Variants in TRAIP observed in about 807,000 individuals in gnomAD.
TRAIP encodes the protein TRAF interacting protein.
A neutral mutation model predicts 65.0 loss-of-function variants in TRAIP; 37 were observed. That is an observed-to-expected ratio of 0.57 (90% CI 0.44 to 0.75). TRAIP has a LOEUF of 0.75. TRAIP is among the 30% of genes least tolerant of loss of function. TRAIP has a pLI of 0.00. For synonymous variants in TRAIP, 187 were observed against 219.1 expected, an observed-to-expected ratio of 0.85 and a Z score of 1.29; for missense variants, 481 against 579.4, an observed-to-expected ratio of 0.83 and a Z score of 1.74.
At chr3:49,831,800 GCCTAGGCAAC>G in intron 11 of TRAIP, 106 bp downstream of exon 11, 1 of 1,256,194 alleles carries the variant, frequency 8.0e-7, no homozygotes. Context: ...CCATGGCCAA[GCCTAGGCAAC>G]CCTCACTGCC....
In TRAIP at chr3:49,832,510, T is replaced by TTTAAA. The variant is rs1348931438; in HGVS notation, c.885-447_885-443dup. On this transcript the variant is annotated intron_variant, in intron 10 of 14. Coordinates refer to ENST00000331456, the MANE Select transcript of TRAIP (RefSeq NM_005879.3). Reference sequence around the variant, plus strand: ...GTCTCAGGAAAAAAAAAAAAAAAAGTTTAAATTTAATTTAATTTAAAAAGC... The same window carrying TTTAAA: ...GTCTCAGGAAAAAAAAAAAAAAAAGTTTAAATTAAATTTAATTTAATTTAAAAAGC... Among the ~76,000 whole-genome samples, 3 of 129,170 alleles carry TTTAAA rather than the reference T, an allele frequency of 2.3e-5. 1 individual carries two copies. Among genetic ancestry groups the TTTAAA allele is most frequent in the African/African-American group, 9.1e-5 (3 of 33,034 alleles). 84.7% of individuals were successfully genotyped at this position (129,170 alleles called of 152,430 possible).
chr3:49,829,307 G>A, intron 14 of TRAIP, 82 bp from the exon 15 acceptor site: 1 of 1,612,736 alleles, frequency 6.2e-7, no homozygotes, highest in Non-Finnish European at 8.5e-7. Flanking sequence ...GGCAAGAAAG[G>A]CTCAGAGCCG....
At chr3:49,833,825 C>G (rs1307431087) in intron 10 of TRAIP, among the ~76,000 whole-genome samples, 2 of 152,184 alleles carry the variant, frequency 1.3e-5, no homozygotes, top group Non-Finnish European at 2.9e-5. Context: ...GAGCTTGAAG[C>G]CTATTTCCCT....
rs150770100 is a variant in TRAIP, at chr3:49,839,049, C to T, written c.884+723G>A. On this transcript the variant is annotated intron_variant, in intron 10 of 14. Transcript: ENST00000331456. ...ACTAAAATACAAAAAATTAGCCAGG[C>T]GTGGTGGTGCGCGCCTGTAATCCCA... is the stretch of plus-strand genomic sequence containing the variant. 7.9e-3 allele frequency among the ~76,000 whole-genome samples: 1,198 copies of T among 151,506 alleles called. 17 individuals carry two copies. Among genetic ancestry groups the T allele is most frequent in the African/African-American group, 0.026 (1,092 of 41,254 alleles).
At position 49,828,681 on chromosome 3, in the gene TRAIP, C is replaced by G. The variant is rs2081704375; in HGVS notation, c.*422G>C. On this transcript the variant is annotated 3_prime_UTR_variant, in exon 15 of 15. Coordinates refer to ENST00000331456, the MANE Select transcript of TRAIP (RefSeq NM_005879.3). Reference sequence around the variant, plus strand: ...TCCCATGCTATCCTCCATTCCCCACCCTGCTTGGCCCAGGCTATGCCTAGA... The same window carrying G: ...TCCCATGCTATCCTCCATTCCCCACGCTGCTTGGCCCAGGCTATGCCTAGA... The G allele has an allele frequency of 5.2e-6, 1 of 190,968 alleles. No individual in the cohort carries two copies. 11.8% of individuals were successfully genotyped at this position (190,968 alleles called of 1,614,324 possible).
chr3:49,840,477 T>A, intron 8 of TRAIP, 104 bp from the exon 9 acceptor site: 2 of 908,620 alleles, frequency 2.2e-6, no homozygotes, highest in Non-Finnish European at 3.5e-6. Flanking sequence ...CAGAAGAGAC[T>A]AGAGATATGG....
At chr3:49,841,204 C>T (rs1387128902) in intron 7 of TRAIP, 132 bp from the exon 8 acceptor site, 2 of 738,210 alleles carry the variant, frequency 2.7e-6, no homozygotes, top group East Asian at 5.2e-5. Flanking sequence ...CACCTGAGCC[C>T]AACAAGTACC....
chr3:49,829,110 C>A lies in TRAIP; in HGVS notation c.1403G>T (p.Trp468Leu). 1.2e-6 allele frequency: 2 copies of A among 1,614,202 alleles called. No homozygotes were observed. The highest frequency in any genetic ancestry group is 3.3e-5 in the Admixed American group (2 of 60,026). The change falls in exon 15 of 15, where the codon TGG (tryptophan) becomes TTG (leucine). Residue 468 changes from tryptophan to leucine, a missense_variant. Transcript: ENST00000331456. ...LFQAKLDTFLWS is the reference protein window; with the variant it reads ...LFQAKLDTFLLS The stretch of plus-strand genomic sequence containing the variant: ...TGGTCAGACTCACTGTTCTCACGAC[C>A]ACAGGAAGGTGTCCAGCTTGGCCTG...
intron 3 of TRAIP, among the ~76,000 whole-genome samples, chr3:49,847,180 AAAATAAATAAATAAATAAAT>A (rs56321532): frequency 2.1e-5 from 3 of 144,402 alleles, no homozygotes; most frequent in African/African-American, 7.8e-5. Flanking sequence ...ACTTCATCTC[AAAATAAATAAATAAATAAAT>A]AAATAAATAA....
intron 10 of TRAIP, among the ~76,000 whole-genome samples, chr3:49,834,215 G>A (rs776280434): frequency 2.0e-4 from 31 of 152,210 alleles, no homozygotes; most frequent in Admixed American, 4.6e-4. Flanking sequence ...GGGCCCATGA[G>A]AGAGATCTTC....
At chr3:49,834,262 T>A (rs2081761826) in intron 10 of TRAIP, among the ~76,000 whole-genome samples, 1 of 152,172 alleles carries the variant, frequency 6.6e-6, no homozygotes, top group East Asian at 1.9e-4. Context: ...GGTGGCTACA[T>A]GCTGATGCCT....
At position 49,841,021 on chromosome 3, in the gene TRAIP, G is replaced by A. The variant is rs184596302; in HGVS notation, c.669C>T (p.Asp223=). 6.2e-7 allele frequency: 1 copy of A among 1,614,134 alleles called. No homozygotes were observed. Among genetic ancestry groups the A allele is most frequent in the Non-Finnish European group, 8.5e-7 (1 of 1,180,012 alleles). ...EARKASGEVA[D]KLRKDLFSSR... Reference sequence around the variant, plus strand: ...AGGAAAACAAATCCTTCCTCAGCTTGTCAGCCACCTCCCCTGAGGCCTTCC... The same window carrying A: ...AGGAAAACAAATCCTTCCTCAGCTTATCAGCCACCTCCCCTGAGGCCTTCC... The change falls in exon 8 of 15, where the codon GAC becomes GAT. Residue 223 remains aspartate, a synonymous_variant. Coordinates refer to ENST00000331456, the MANE Select transcript of TRAIP (RefSeq NM_005879.3).
chr3:49,840,656 T>A (rs1365804796), intron 8 of TRAIP: 3 of 557,776 alleles, frequency 5.4e-6, no homozygotes, highest in Non-Finnish European at 9.6e-6. Flanking sequence ...CTACTCCAGA[T>A]GTGGTACAAA....
chr3:49,850,332 C>T (rs2081920082), intron 1 of TRAIP, among the ~76,000 whole-genome samples: 1 of 151,918 alleles, frequency 6.6e-6, no homozygotes, highest in Admixed American at 6.6e-5. Context: ...AACCCCGTCT[C>T]TACTAAAAAT....
At chr3:49,850,461 T>C (rs2081920878) in intron 1 of TRAIP, among the ~76,000 whole-genome samples, 1 of 146,682 alleles carries the variant, frequency 6.8e-6, no homozygotes, top group African/African-American at 2.5e-5. Flanking sequence ...ATCACGCCAC[T>C]GCACTCCAGC....
chr3:49,835,011 G>A (rs2081768381), intron 10 of TRAIP, among the ~76,000 whole-genome samples: 1 of 152,124 alleles, frequency 6.6e-6, no homozygotes, highest in African/African-American at 2.4e-5. Flanking sequence ...ATACTGACCT[G>A]GGCAACATAT....
chr3:49,846,893 A>G (rs2081887473), intron 3 of TRAIP, among the ~76,000 whole-genome samples: 2 of 152,026 alleles, frequency 1.3e-5, no homozygotes, highest in South Asian at 4.2e-4. Flanking sequence ...TTTTTTTATA[A>G]ATTAGGGCTG....
chr3:49,849,225 G>A (rs1348215889), intron 1 of TRAIP, among the ~76,000 whole-genome samples: 2 of 151,602 alleles, frequency 1.3e-5, no homozygotes, highest in Non-Finnish European at 2.9e-5. Context: ...TGCCCAAGCT[G>A]GTCTCAACTC....
intron 9 of TRAIP, 51 bp downstream of exon 9, chr3:49,840,233 G>A (rs1279203654): frequency 2.0e-6 from 3 of 1,516,810 alleles, no homozygotes; most frequent in Non-Finnish European, 2.7e-6. Context: ...CCTGCTCTGG[G>A]AGGGCACACA....
Sources: gnomAD v4.1 joint callset for allele counts (sites outside exome capture counted in the v4.1 genomes callset) on GRCh38, gnomAD v4.1.1 for gene constraint, MANE v1.5 for transcripts, NCBI Gene and HGNC (gene_info 2026-07-23, HGNC 2026-07-21) for gene names.